IHO1: variants seen among roughly 807,000 people sequenced by gnomAD.
IHO1 encodes the protein interactor of HORMAD1 1, also known as interactor of HORMAD1 protein 1.
Under a neutral mutation model 31.0 loss-of-function variants are expected in IHO1, and 13 were observed. That is an observed-to-expected ratio of 0.42 (90% confidence interval 0.27 to 0.67). IHO1 has a LOEUF of 0.67. Among genes scored for constraint, IHO1 ranks in the 30% least tolerant of loss-of-function variants. The pLI is 0.24. For synonymous variants in IHO1, 221 were observed against 248.4 expected (o/e 0.89, Z 1.04); for missense variants, 599 against 687.5 (o/e 0.87, Z 1.44).
Position 49,244,384 on chromosome 3 carries a change from T to TA in IHO1, c.396-20_396-19insA. ...CAATATTTCATAAAGATTTGTTTTCTTTTTTCCCTCCTATTCTAGTGAGAC... is the reference window on the plus strand; with the variant it reads ...CAATATTTCATAAAGATTTGTTTTCTATTTTTCCCTCCTATTCTAGTGAGAC... On this transcript the variant is annotated intron_variant, in intron 4 of 7. Coordinates refer to ENST00000452691, the MANE Select transcript of IHO1 (RefSeq NM_001135197.2). 1 of 1,450,114 alleles carries TA rather than the reference T, an allele frequency of 6.9e-7. No homozygotes were observed. The highest frequency in any genetic ancestry group is 9.6e-7 in the Non-Finnish European group (1 of 1,038,972). 89.8% of individuals were successfully genotyped at this position (1,450,114 alleles called of 1,614,324 possible).
intron 3 of IHO1, 45 bp from the exon 4 acceptor site, chr3:49,241,181 A>C (rs1313771016): frequency 8.7e-6 from 13 of 1,492,700 alleles, no homozygotes; most frequent in Non-Finnish European, 1.1e-5. Flanking sequence ...GAATGCTATA[A>C]ATATTTTTAT....
At chr3:49,245,604 A>C (rs924593016) in intron 6 of IHO1, 3 of 152,244 alleles carry the variant, frequency 2.0e-5, no homozygotes, top group Non-Finnish European at 2.9e-5. Flanking sequence ...GTAAATATAC[A>C]GTTCTCCTTG....
chr3:49,257,281 G>T lies in IHO1; in HGVS notation c.1784G>T (p.Ter595LeuextTer5). 2 of 1,612,784 alleles carry T rather than the reference G, an allele frequency of 1.2e-6. No individual in the cohort carries two copies. Among genetic ancestry groups the T allele is most frequent in the South Asian group, 2.2e-5 (2 of 90,768 alleles). Reference sequence around the variant, plus strand: ...GATAGCAGTGATGATGATGGCTTCTGACCAGTCCACAGTTGATTTATTGGT... The same window carrying T: ...GATAGCAGTGATGATGATGGCTTCTTACCAGTCCACAGTTGATTTATTGGT... ...GFDSSDDDGF[*>L] Residue 595 changes from the stop codon to leucine (L), a stop_lost, in exon 8 of 8, where the codon TGA (stop) becomes TTA (leucine). Transcript: ENST00000452691.
At chr3:49,251,949 A>G (rs1483768578) in intron 6 of IHO1, among the ~76,000 whole-genome samples, 1 of 151,900 alleles carries the variant, frequency 6.6e-6, no homozygotes, top group Non-Finnish European at 1.5e-5. Context: ...CTCCTGCCTC[A>G]GCCTCCCGAG....
chr3:49,201,387 C>T (rs1312445654), intron 1 of IHO1, among the ~76,000 whole-genome samples: 1 of 152,020 alleles, frequency 6.6e-6, no homozygotes, highest in Non-Finnish European at 1.5e-5. Flanking sequence ...GCGGGTGGAT[C>T]ACCTGAGGTC....
At chr3:49,247,331 G>A (rs1291913396) in intron 6 of IHO1, among the ~76,000 whole-genome samples, 3 of 151,992 alleles carry the variant, frequency 2.0e-5, no homozygotes, top group Non-Finnish European at 4.4e-5. Flanking sequence ...CCGGGTTCAA[G>A]CCAGTCTCCT....
At chr3:49,201,318 G>A (rs1213469415) in intron 1 of IHO1, among the ~76,000 whole-genome samples, 1 of 151,712 alleles carries the variant, frequency 6.6e-6, no homozygotes, top group African/African-American at 2.4e-5. Flanking sequence ...TAAAAATTGG[G>A]CCGAGTTGGC....
intron 1 of IHO1, among the ~76,000 whole-genome samples, chr3:49,209,141 C>A (rs959762724): frequency 6.6e-6 from 1 of 152,178 alleles, no homozygotes; most frequent in Non-Finnish European, 1.5e-5. Context: ...CATCTTCTAC[C>A]ACACATATAT....
At chr3:49,201,300 A>G (rs2046066990) in intron 1 of IHO1, among the ~76,000 whole-genome samples, 4 of 151,326 alleles carry the variant, frequency 2.6e-5, no homozygotes, top group African/African-American at 2.4e-5. Flanking sequence ...GCCATTTACC[A>G]CAATTTTTAA....
At position 49,244,639 on chromosome 3, in the gene IHO1, T is replaced by G. The variant is rs766529781; in HGVS notation, c.445-7T>G. On this transcript the variant is annotated splice_polypyrimidine_tract_variant and splice_region_variant and intron_variant, in intron 5 of 7. Transcript: ENST00000452691. ...TGTGAATTATTTCATAATTTTGGGTTTCTTAGTTGCAGACGTCTGTGGAAA... is the reference window on the plus strand; with the variant it reads ...TGTGAATTATTTCATAATTTTGGGTGTCTTAGTTGCAGACGTCTGTGGAAA... 6.2e-7 allele frequency: 1 copy of G among 1,609,696 alleles called. No homozygotes were observed. The highest frequency in any genetic ancestry group is 8.5e-7 in the Non-Finnish European group (1 of 1,176,618).
upstream of IHO1, among the ~76,000 whole-genome samples, chr3:49,195,523 C>G (rs1327469228): frequency 6.6e-6 from 1 of 151,146 alleles, no homozygotes; most frequent in East Asian, 2.0e-4. Flanking sequence ...AGAGACCATC[C>G]TGGCTAACAC....
chr3:49,203,403 A>T (rs1218854731), intron 1 of IHO1, among the ~76,000 whole-genome samples: 1 of 152,170 alleles, frequency 6.6e-6, no homozygotes. Context: ...GTAATCATAG[A>T]TAATTCTGGC....
Position 49,257,237 on chromosome 3 carries a change from G to A in IHO1, c.1740G>A (p.Leu580=), listed in dbSNP as rs1224703152. ...TATGCAAGGAGGCAGGAAAGAATTT[G>A]CTCTATGACCTGGGTTTTGATAGCA... ...TPLCKEAGKN[L]LYDLGFDSSD... Residue 580 remains leucine (L), a synonymous_variant, in exon 8 of 8, where the codon TTG becomes TTA. Coordinates refer to ENST00000452691, the MANE Select transcript of IHO1 (RefSeq NM_001135197.2). 30 of 1,614,114 alleles carry A rather than the reference G, an allele frequency of 1.9e-5. No homozygotes were observed. The highest frequency in any genetic ancestry group is 2.5e-5 in the Non-Finnish European group (29 of 1,180,002).
intron 2 of IHO1, among the ~76,000 whole-genome samples, chr3:49,228,954 C>G (rs1010520529): frequency 6.6e-6 from 1 of 152,022 alleles, no homozygotes; most frequent in Non-Finnish European, 1.5e-5. Context: ...GATGACTGGT[C>G]CATTTTACAG....
chr3:49,195,829 C>T (rs565022048), upstream of IHO1, among the ~76,000 whole-genome samples: 45 of 147,752 alleles, frequency 3.0e-4, no homozygotes, highest in South Asian at 9.6e-3. Context: ...GGGCCAGGCG[C>T]GGTGGCTAAC....
Position 49,256,783 on chromosome 3 carries a change from A to G in IHO1, c.1286A>G (p.Gln429Arg), listed in dbSNP as rs756426063. The part of the protein sequence containing the change: ...CDPREHLVIK[Q>R]KDGTVEMRGK... ...CCACGTGAACATTTGGTGATTAAACAGAAAGATGGGACTGTAGAAATGCGG... is the reference window on the plus strand; with the variant it reads ...CCACGTGAACATTTGGTGATTAAACGGAAAGATGGGACTGTAGAAATGCGG... Residue 429 changes from glutamine to arginine, a missense_variant, in exon 8 of 8, where the codon CAG becomes CGG. Physicochemically the swap from Gln to Arg is conservative, Grantham distance 43. Transcript: ENST00000452691. The surrounding 1 kb of genome is among the most constrained non-coding windows in gnomAD (Gnocchi z 4.6). 3.2e-5 allele frequency: 52 copies of G among 1,614,260 alleles called. No homozygotes were observed. Among genetic ancestry groups the G allele is most frequent in the East Asian group, 1.8e-4 (8 of 44,890 alleles).
rs2046299908 is a variant in IHO1, at chr3:49,217,312, A to T, written c.56+5476A>T. 2.0e-5 allele frequency among the ~76,000 whole-genome samples: 3 copies of T among 152,152 alleles called. No homozygotes were observed. In the South Asian group the frequency reaches 6.2e-4, roughly 31 times the overall value. ...ACCATGGAATACTATGCAGCCATAAAAAAGAATGAGTTCATGTCCTTTTCA... is the reference window on the plus strand; with the variant it reads ...ACCATGGAATACTATGCAGCCATAATAAAGAATGAGTTCATGTCCTTTTCA... On this transcript the variant is annotated intron_variant, in intron 2 of 7. Transcript: ENST00000452691.
chr3:49,224,934 CCTTT>C (rs2046400971), intron 2 of IHO1, among the ~76,000 whole-genome samples: 1 of 152,194 alleles, frequency 6.6e-6, no homozygotes, highest in Admixed American at 6.5e-5. Context: ...CGATAAACTT[CCTTT>C]GACACCTAGT....
chr3:49,248,060 G>C (rs1213103578), intron 6 of IHO1, among the ~76,000 whole-genome samples: 1 of 148,592 alleles, frequency 6.7e-6, no homozygotes, highest in East Asian at 2.0e-4. Context: ...GGGAGGTGGA[G>C]GTTGTAGTGA....
Sources: gnomAD v4.1 joint callset for allele counts (sites outside exome capture counted in the v4.1 genomes callset) on GRCh38, gnomAD v4.1.1 for gene constraint, Gnocchi (gnomAD v3.1) non-coding constraint, MANE v1.5 for transcripts, NCBI Gene and HGNC (gene_info 2026-07-23, HGNC 2026-07-21) for gene names.